The following CHCHD3 variants were observed in gnomAD, a reference collection of about 807,000 sequenced individuals.
The protein encoded by CHCHD3 is MICOS complex subunit MIC19.
Under a neutral mutation model 38.2 loss-of-function variants are expected in CHCHD3, and 20 were observed. The observed-to-expected ratio is 0.52, with a 90% confidence interval of 0.37 to 0.76. The LOEUF (loss-of-function observed/expected upper bound fraction) is 0.76. Among genes scored for constraint, CHCHD3 ranks in the 30% least tolerant of loss-of-function variants. The pLI is 0.00. For missense variants in CHCHD3, 245 were observed against 279.2 expected, an observed-to-expected ratio of 0.88 and a Z score of 0.87; for synonymous variants, 82 against 100.0, an observed-to-expected ratio of 0.82 and a Z score of 1.07.
At chr7:132,977,568 G>A (rs1471856636) in intron 3 of CHCHD3, among the ~76,000 whole-genome samples, 1 of 152,166 alleles carries the variant, frequency 6.6e-6, no homozygotes, top group Non-Finnish European at 1.5e-5. Flanking sequence ...TTTTACCAGT[G>A]AGGTGGAAAC....
At chr7:132,946,962 A>G (rs756741359) in intron 4 of CHCHD3, among the ~76,000 whole-genome samples, 10 of 151,994 alleles carry the variant, frequency 6.6e-5, no homozygotes, top group Non-Finnish European at 1.2e-4. Flanking sequence ...CTTCTACCAG[A>G]AAATGTACAC....
chr7:132,951,084 A>T (rs1189255588), intron 4 of CHCHD3, among the ~76,000 whole-genome samples: 2 of 152,180 alleles, frequency 1.3e-5, no homozygotes, highest in African/African-American at 2.4e-5. Flanking sequence ...TCTGAGGCAA[A>T]AATCATAAGC....
At chr7:133,009,846 GC>G (rs1465637712) in intron 3 of CHCHD3, among the ~76,000 whole-genome samples, 2 of 152,062 alleles carry the variant, frequency 1.3e-5, no homozygotes, top group Non-Finnish European at 1.5e-5. Flanking sequence ...TATGTTGTTA[GC>G]CAACAATAAA....
At chr7:132,797,296 C>T (rs1262048013) in intron 6 of CHCHD3, among the ~76,000 whole-genome samples, 1 of 152,102 alleles carries the variant, frequency 6.6e-6, no homozygotes, top group Non-Finnish European at 1.5e-5. Context: ...TGGAAATGCT[C>T]TACGCCCAAA....
intron 7 of CHCHD3, among the ~76,000 whole-genome samples, chr7:132,791,900 T>C (rs1256499627): frequency 1.3e-5 from 2 of 152,128 alleles, no homozygotes; most frequent in Admixed American, 1.3e-4. Context: ...TCCTTTCTGA[T>C]CTCTCCAAAG....
chr7:133,080,646 A>G (rs989294862), intron 1 of CHCHD3, among the ~76,000 whole-genome samples: 1 of 152,266 alleles, frequency 6.6e-6, no homozygotes, highest in African/African-American at 2.4e-5. Flanking sequence ...CAAAGAATAC[A>G]GCCTCAGATA....
chr7:133,000,257 G>A (rs1047530672), intron 3 of CHCHD3, among the ~76,000 whole-genome samples: 3 of 152,148 alleles, frequency 2.0e-5, no homozygotes, highest in South Asian at 4.1e-4. Flanking sequence ...AAAATCATTC[G>A]TGCTGAGCAC....
intron 3 of CHCHD3, among the ~76,000 whole-genome samples, chr7:133,018,629 A>G (rs1474418986): frequency 2.0e-5 from 3 of 152,196 alleles, no homozygotes; most frequent in African/African-American, 4.8e-5. Flanking sequence ...ACACTATACT[A>G]AATTAAAAGA....
At chr7:132,802,580 G>C (rs1563239588) in intron 6 of CHCHD3, among the ~76,000 whole-genome samples, 1 of 152,154 alleles carries the variant, frequency 6.6e-6, no homozygotes, top group Admixed American at 6.5e-5. Flanking sequence ...CAGACATTTG[G>C]TATGAGGTGG....
At chr7:132,959,529 C>T (rs1028389811) in intron 4 of CHCHD3, among the ~76,000 whole-genome samples, 1 of 151,982 alleles carries the variant, frequency 6.6e-6, no homozygotes, top group Admixed American at 6.5e-5. Context: ...TCAAGACCAG[C>T]CCGGCCAACA....
chr7:132,848,972 C>T (rs947501320), intron 5 of CHCHD3: 1 of 152,152 alleles, frequency 6.6e-6, no homozygotes, highest in Admixed American at 6.6e-5. Context: ...TTGCCAACAT[C>T]GGTTCATATT....
rs1280566730 is a variant in CHCHD3, at chr7:133,035,266, T to C, written c.170-10639A>G. 1.2e-6 allele frequency: 2 copies of C among 1,613,564 alleles called. No homozygotes were observed. The highest frequency in any genetic ancestry group is 1.7e-6 in the Non-Finnish European group (2 of 1,179,558). ...TTAGGCTGGGTCTCTGCAAACTTTTTAGCATCAAACTGGGCCATCTTCTCA... is the reference window on the plus strand; with the variant it reads ...TTAGGCTGGGTCTCTGCAAACTTTTCAGCATCAAACTGGGCCATCTTCTCA... On this transcript the variant is annotated intron_variant, in intron 2 of 7. Coordinates refer to ENST00000262570, the MANE Select transcript of CHCHD3 (RefSeq NM_017812.4). The surrounding 1 kb of genome is among the most constrained non-coding windows in gnomAD (Gnocchi z 4.7).
intron 4 of CHCHD3, among the ~76,000 whole-genome samples, chr7:132,940,013 C>T (rs191358315): frequency 1.8e-4 from 28 of 152,218 alleles, no homozygotes; most frequent in African/African-American, 5.5e-4. Flanking sequence ...ATCTAAAAGG[C>T]GTGAGTGATC....
At chr7:133,023,918 A>C (rs1479356467) in intron 3 of CHCHD3, among the ~76,000 whole-genome samples, 1 of 152,192 alleles carries the variant, frequency 6.6e-6, no homozygotes, top group Non-Finnish European at 1.5e-5. Flanking sequence ...ACTGTTACAA[A>C]AACACTTCAA....
chr7:132,961,664 C>T (rs577652584), intron 4 of CHCHD3, among the ~76,000 whole-genome samples: 1 of 152,280 alleles, frequency 6.6e-6, no homozygotes, highest in South Asian at 2.1e-4. Context: ...TTCAAGTATA[C>T]AATAGAGTAT....
At chr7:132,997,740 A>C (rs1433942100) in intron 3 of CHCHD3, among the ~76,000 whole-genome samples, 1 of 150,860 alleles carries the variant, frequency 6.6e-6, no homozygotes, top group Non-Finnish European at 1.5e-5. Context: ...TTTGTCAGAG[A>C]CCAATGCTTG....
intron 3 of CHCHD3, among the ~76,000 whole-genome samples, chr7:132,976,782 G>C (rs1348697023): frequency 1.3e-5 from 2 of 151,910 alleles, no homozygotes; most frequent in Admixed American, 6.6e-5. Flanking sequence ...ATAAAATTTT[G>C]TGTTACTATT....
At chr7:133,013,241 C>A (rs1325273031) in intron 3 of CHCHD3, among the ~76,000 whole-genome samples, 1 of 146,900 alleles carries the variant, frequency 6.8e-6, no homozygotes, top group East Asian at 2.1e-4. Flanking sequence ...AACATTACTG[C>A]TGGATCAGAA....
intron 6 of CHCHD3, among the ~76,000 whole-genome samples, chr7:132,827,214 A>G (rs1018931794): frequency 2.6e-5 from 4 of 152,220 alleles, no homozygotes; most frequent in African/African-American, 7.2e-5. Flanking sequence ...TGTTTTAGGT[A>G]TAATTAACAC....
Sources: gnomAD v4.1 joint callset for allele counts (sites outside exome capture counted in the v4.1 genomes callset) on GRCh38, gnomAD v4.1.1 for gene constraint, Gnocchi (gnomAD v3.1) non-coding constraint, MANE v1.5 for transcripts, NCBI Gene and HGNC (gene_info 2026-07-23, HGNC 2026-07-21) for gene names.